Variants in PTPRD observed in about 807,000 individuals in gnomAD.
PTPRD encodes the protein receptor-type tyrosine-protein phosphatase delta.
In PTPRD, 34 loss-of-function variants were observed where a neutral mutation model predicts 214.5. That is an observed-to-expected ratio of 0.16 (90% confidence interval 0.12 to 0.21). The LOEUF is 0.21. Among genes scored for constraint, PTPRD ranks in the 10% least tolerant of loss-of-function variants. PTPRD has a pLI of 1.00. For synonymous variants in PTPRD, 1,128 were observed against 845.7 expected (o/e 1.33, Z -5.79); for missense variants, 2,545 against 2,398.7 (o/e 1.06, Z -1.27).
At chr9:8,322,976 T>C (rs1829934256) in intron 44 of PTPRD, among the ~76,000 whole-genome samples, 1 of 152,148 alleles carries the variant, frequency 6.6e-6, no homozygotes, top group African/African-American at 2.4e-5. Flanking sequence ...AAGGAAGAGT[T>C]ATACATCTCT....
chr9:8,350,668 C>G (rs1010380364), intron 39 of PTPRD, among the ~76,000 whole-genome samples: 1 of 152,050 alleles, frequency 6.6e-6, no homozygotes, highest in African/African-American at 2.4e-5. Flanking sequence ...AAAAAACAGA[C>G]CCACAGATAG....
chr9:8,461,460 G>C (rs945716586), intron 32 of PTPRD, among the ~76,000 whole-genome samples: 1 of 151,820 alleles, frequency 6.6e-6, no homozygotes, highest in Non-Finnish European at 1.5e-5. Context: ...GCCTATATTA[G>C]GAAAACATCT....
At chr9:10,056,214 AG>A (rs2097644597) in intron 3 of PTPRD, among the ~76,000 whole-genome samples, 1 of 151,900 alleles carries the variant, frequency 6.6e-6, no homozygotes, top group Non-Finnish European at 1.5e-5. Context: ...CCAGCTAGTC[AG>A]CAGGCTGAGG....
intron 11 of PTPRD, among the ~76,000 whole-genome samples, chr9:8,819,113 G>C (rs7864631): frequency 0.69 from 104,661 of 152,050 alleles, 36,239 homozygotes; most frequent in Middle Eastern, 0.79. Flanking sequence ...TATCCTTAAC[G>C]TTGTTAGGAT....
intron 2 of PTPRD, among the ~76,000 whole-genome samples, chr9:10,383,527 G>C (rs1329733462): frequency 6.6e-6 from 1 of 151,780 alleles, no homozygotes; most frequent in Non-Finnish European, 1.5e-5. Context: ...GTTTTTGGAA[G>C]ACAATTCAGT....
chr9:8,723,362 C>G (rs2098522860), intron 12 of PTPRD, among the ~76,000 whole-genome samples: 1 of 152,158 alleles, frequency 6.6e-6, no homozygotes, highest in Non-Finnish European at 1.5e-5. Context: ...CCTTCATATC[C>G]TCTCTTACTC....
At chr9:10,597,855 C>A (rs2076972675) in intron 2 of PTPRD, among the ~76,000 whole-genome samples, 1 of 151,804 alleles carries the variant, frequency 6.6e-6, no homozygotes, top group Admixed American at 6.6e-5. Context: ...AAGAACATAA[C>A]AGGACTTCCA....
At chr9:8,827,626 G>A (rs1173192034) in intron 11 of PTPRD, among the ~76,000 whole-genome samples, 1 of 152,028 alleles carries the variant, frequency 6.6e-6, no homozygotes, top group Non-Finnish European at 1.5e-5. Flanking sequence ...AAAAAAATTA[G>A]GTTTTTGCCA....
At chr9:9,738,218 G>C (rs189675668) in intron 6 of PTPRD, among the ~76,000 whole-genome samples, 226 of 152,058 alleles carry the variant, frequency 1.5e-3, no homozygotes, top group African/African-American at 5.3e-3. Context: ...AAACCTGCAC[G>C]TTGTGCACAT....
chr9:10,037,634 A>G (rs1015196826), intron 3 of PTPRD, among the ~76,000 whole-genome samples: 6 of 151,542 alleles, frequency 4.0e-5, no homozygotes, highest in Admixed American at 4.0e-4. Context: ...TTCACTTTAC[A>G]TTTAAGGGGT....
chr9:9,134,459 G>C (rs2099847879), intron 10 of PTPRD, among the ~76,000 whole-genome samples: 2 of 152,038 alleles, frequency 1.3e-5, no homozygotes, highest in Admixed American at 6.6e-5. Flanking sequence ...CCTCCACTTG[G>C]TCTATGCTTG....
chr9:9,889,378 T>C (rs867354957), intron 5 of PTPRD, among the ~76,000 whole-genome samples: 6 of 151,022 alleles, frequency 4.0e-5, no homozygotes, highest in Middle Eastern at 3.2e-3. Context: ...ACATAATATA[T>C]ACAATTTTAT....
chr9:10,361,081 G>A (rs572349703), intron 2 of PTPRD, among the ~76,000 whole-genome samples: 5 of 152,236 alleles, frequency 3.3e-5, no homozygotes, highest in South Asian at 2.1e-4. Flanking sequence ...CAGCCTGGGC[G>A]ACAGCGAGAC....
Position 9,352,310 on chromosome 9 carries a change from C to CATAT in PTPRD, c.-203+45135_-203+45138dup, listed in dbSNP as rs35015743. On this transcript the variant is annotated intron_variant, in intron 9 of 45. Transcript: ENST00000381196. ...AACACAAACAATACTGCCAAAAAACCATATATATATATATATATGTGTGTG... is the reference window on the plus strand; with the variant it reads ...AACACAAACAATACTGCCAAAAAACCATATATATATATATATATATATGTGTGTG... Among the ~76,000 whole-genome samples, 19 of 141,046 alleles carry CATAT rather than the reference C, an allele frequency of 1.3e-4. 1 individual carries two copies. The highest frequency in any genetic ancestry group is 4.0e-4 in the African/African-American group (14 of 35,334). The allele number at this position is 141,046 out of a possible 152,430, so 92.5% of individuals were successfully genotyped here.
chr9:8,812,234 G>C (rs2096823648), intron 11 of PTPRD, among the ~76,000 whole-genome samples: 1 of 152,154 alleles, frequency 6.6e-6, no homozygotes, highest in Non-Finnish European at 1.5e-5. Context: ...ATTATTTCTA[G>C]CAATTATATA....
intron 10 of PTPRD, among the ~76,000 whole-genome samples, chr9:9,052,619 A>G (rs10759035): frequency 0.37 from 56,563 of 151,960 alleles, 12,266 homozygotes; most frequent in East Asian, 0.7. Flanking sequence ...TAAGGCCTGG[A>G]CTTGAACCAT....
chr9:8,870,089 G>C (rs1162623127), intron 11 of PTPRD, among the ~76,000 whole-genome samples: 1 of 149,584 alleles, frequency 6.7e-6, no homozygotes, highest in Non-Finnish European at 1.5e-5. Flanking sequence ...AATTGGTCAT[G>C]AGCTATTTGT....
intron 39 of PTPRD, among the ~76,000 whole-genome samples, chr9:8,351,513 T>A (rs1174846849): frequency 6.6e-6 from 1 of 151,762 alleles, no homozygotes; most frequent in Non-Finnish European, 1.5e-5. Context: ...TACAGTTCAA[T>A]AAAGAGTTGA....
At chr9:9,812,856 T>C (rs1368763109) in intron 5 of PTPRD, among the ~76,000 whole-genome samples, 1 of 152,120 alleles carries the variant, frequency 6.6e-6, no homozygotes. Flanking sequence ...ACGCAGAATA[T>C]TCTCCAGGGT....
Sources: gnomAD v4.1 joint callset for allele counts (sites outside exome capture counted in the v4.1 genomes callset) on GRCh38, gnomAD v4.1.1 for gene constraint, MANE v1.5 for transcripts, NCBI Gene and HGNC (gene_info 2026-07-23, HGNC 2026-07-21) for gene names.